The following DCC variants were observed in gnomAD, a reference collection of about 807,000 sequenced individuals.
DCC encodes netrin receptor DCC.
A neutral mutation model predicts 172.5 loss-of-function variants in DCC; 58 were observed. That is an observed-to-expected ratio of 0.34 (90% CI 0.27 to 0.42). The LOEUF is 0.42. Ranked by LOEUF, DCC falls within the 10% of genes least tolerant of loss-of-function variation. DCC has a pLI of 1.00. For missense variants in DCC, 1,740 were observed against 1,791.0 expected (o/e 0.97, Z 0.51); for synonymous variants, 709 against 644.5 (o/e 1.10, Z -1.52).
chr18:52,820,630 C>T lies in DCC; in HGVS notation c.412+68256C>T, dbSNP rs546864782. ...GCAGTATGATGCATCCAACAAGGGG[C>T]CGACCAGAAATTCTGACCTCCAGAT... On this transcript the variant is annotated intron_variant, in intron 2 of 28. Transcript: ENST00000442544. 3.3e-5 allele frequency among the ~76,000 whole-genome samples: 5 copies of T among 152,088 alleles called. No homozygotes were observed. The East Asian group carries it at 9.7e-4, about 30-fold the overall frequency.
intron 3 of DCC, among the ~76,000 whole-genome samples, chr18:52,913,839 T>C (rs2040003538): frequency 6.6e-6 from 1 of 152,042 alleles, no homozygotes. Flanking sequence ...GGATCCAGAC[T>C]TATAACCCAT....
chr18:53,009,132 A>G (rs2041690479), intron 5 of DCC, among the ~76,000 whole-genome samples: 1 of 151,910 alleles, frequency 6.6e-6, no homozygotes, highest in Non-Finnish European at 1.5e-5. Context: ...GAGTGCTGGG[A>G]GGAATTTTAT....
At chr18:53,078,722 T>C (rs1039035871) in intron 7 of DCC, among the ~76,000 whole-genome samples, 2 of 152,200 alleles carry the variant, frequency 1.3e-5, no homozygotes, top group African/African-American at 4.8e-5. Flanking sequence ...GTCTTTGTTA[T>C]TTTGTGTTGA....
At chr18:52,555,320 G>C (rs1437554954) in intron 1 of DCC, among the ~76,000 whole-genome samples, 1 of 152,086 alleles carries the variant, frequency 6.6e-6, no homozygotes, top group Non-Finnish European at 1.5e-5. Context: ...AACTTTTCTA[G>C]GGTCATGTGC....
chr18:52,709,774 A>T (rs2036265304), intron 1 of DCC, among the ~76,000 whole-genome samples: 1 of 152,240 alleles, frequency 6.6e-6, no homozygotes, highest in African/African-American at 2.4e-5. Context: ...ACCATTAGAA[A>T]AATGGGGAAA....
chr18:53,383,526 G>C (rs1160371680), intron 15 of DCC, among the ~76,000 whole-genome samples: 4 of 147,042 alleles, frequency 2.7e-5, no homozygotes, highest in Non-Finnish European at 6.0e-5. Context: ...GTTCTATCTA[G>C]TATGTCAAAA....
At chr18:53,092,873 A>G (rs2043034091) in intron 7 of DCC, among the ~76,000 whole-genome samples, 1 of 145,224 alleles carries the variant, frequency 6.9e-6, no homozygotes, top group Admixed American at 6.7e-5. Flanking sequence ...TCAAACATGT[A>G]CACACACACA....
At chr18:53,474,232 A>G (rs1167985024) in intron 25 of DCC, among the ~76,000 whole-genome samples, 2 of 152,214 alleles carry the variant, frequency 1.3e-5, no homozygotes, top group African/African-American at 2.4e-5. Context: ...CTTCATTACA[A>G]TAGATGAATA....
chr18:52,592,070 A>C (rs1283082967), intron 1 of DCC, among the ~76,000 whole-genome samples: 1 of 152,220 alleles, frequency 6.6e-6, no homozygotes, highest in Non-Finnish European at 1.5e-5. Context: ...AGTTGAATTT[A>C]AAAGTAAACA....
At chr18:53,512,481 GAGA>G (rs1264630305) in intron 27 of DCC, among the ~76,000 whole-genome samples, 6 of 150,218 alleles carry the variant, frequency 4.0e-5, no homozygotes, top group Non-Finnish European at 8.9e-5. Flanking sequence ...GACGAGCTGA[GAGA>G]AGAAGGCTTC....
In DCC at chr18:52,829,713, A is replaced by T. The variant is rs774240297; in HGVS notation, c.413-76331A>T. Among the ~76,000 whole-genome samples, 63 of 151,828 alleles carry T rather than the reference A, an allele frequency of 4.1e-4. 1 individual carries two copies. Among genetic ancestry groups the T allele is most frequent in the Non-Finnish European group, 2.9e-4 (20 of 68,014 alleles). On this transcript the variant is annotated intron_variant, in intron 2 of 28. Coordinates refer to ENST00000442544, the MANE Select transcript of DCC (RefSeq NM_005215.4). The stretch of plus-strand genomic sequence containing the variant: ...ATTTATGTATTACTCACCAAAAATT[A>T]CTGAGTGTATACTTTTTGCCAGGAA...
chr18:52,560,974 A>G (rs182664435), intron 1 of DCC, among the ~76,000 whole-genome samples: 11 of 152,278 alleles, frequency 7.2e-5, no homozygotes, highest in Non-Finnish European at 1.3e-4. Context: ...TTATGTGTTC[A>G]TGATGCTAAC....
chr18:52,688,850 A>C (rs1237694144), intron 1 of DCC, among the ~76,000 whole-genome samples: 1 of 152,162 alleles, frequency 6.6e-6, no homozygotes, highest in African/African-American at 2.4e-5. Flanking sequence ...TTATAAAAAG[A>C]TATGGATATT....
intron 1 of DCC, among the ~76,000 whole-genome samples, chr18:52,365,233 T>A (rs59492146): frequency 0.038 from 5,727 of 152,286 alleles, 184 homozygotes; most frequent in African/African-American, 0.093. Context: ...AGGGTTAGTG[T>A]TATCCTTCGC....
At chr18:53,305,776 A>G (rs2144783537) in intron 13 of DCC, 57 bp downstream of exon 13, 1 of 1,555,148 alleles carries the variant, frequency 6.4e-7, no homozygotes, top group Non-Finnish European at 8.9e-7. Context: ...TGCTTTAGGA[A>G]TAAAATATAG....
intron 2 of DCC, among the ~76,000 whole-genome samples, chr18:52,897,282 C>T (rs2039745739): frequency 1.3e-5 from 2 of 152,186 alleles, no homozygotes; most frequent in South Asian, 4.1e-4. Context: ...TTACTCCTTG[C>T]CTATTTTTGG....
intron 1 of DCC, among the ~76,000 whole-genome samples, chr18:52,589,497 C>A (rs1264169472): frequency 1.3e-5 from 2 of 152,156 alleles, no homozygotes; most frequent in Non-Finnish European, 2.9e-5. Flanking sequence ...TGAATGTGTT[C>A]TCAAGCTGTG....
At chr18:53,512,401 C>T (rs1189521240) in intron 27 of DCC, among the ~76,000 whole-genome samples, 99 of 151,580 alleles carry the variant, frequency 6.5e-4, no homozygotes, top group African/African-American at 1.8e-3. Flanking sequence ...AAAAGCAGAG[C>T]GCCTCTCCTC....
chr18:52,432,330 T>A (rs1987652496), intron 1 of DCC, among the ~76,000 whole-genome samples: 1 of 152,122 alleles, frequency 6.6e-6, no homozygotes, highest in Non-Finnish European at 1.5e-5. Flanking sequence ...TACGAGGACA[T>A]TTGCAGCTCA....
Sources: allele counts gnomAD v4.1 joint callset (sites outside exome capture counted in the v4.1 genomes callset), GRCh38; gene constraint gnomAD v4.1.1; transcripts MANE v1.5; gene names NCBI Gene and HGNC (gene_info 2026-07-23, HGNC 2026-07-21).